Variants in MITF observed in about 807,000 individuals in gnomAD.
MITF encodes the protein microphthalmia-associated transcription factor.
MITF carries 17 observed loss-of-function variants against 60.5 expected under a neutral mutation model. The observed-to-expected ratio is 0.28, with a 90% CI of 0.19 to 0.42. MITF has a LOEUF of 0.42. MITF is among the 10% of genes least tolerant of loss of function. MITF has a pLI of 1.00. For synonymous variants in MITF, 260 were observed against 248.5 expected (o/e 1.05, Z -0.43); for missense variants, 622 against 683.5 (o/e 0.91, Z 1.00).
intron 1 of MITF, among the ~76,000 whole-genome samples, chr3:69,835,081 C>T (rs566068271): frequency 9.0e-5 from 11 of 121,842 alleles, no homozygotes; most frequent in African/African-American, 2.5e-4. Flanking sequence ...TGTGATGGTA[C>T]GATCATGGCT....
At chr3:69,870,279 C>T (rs1325110579) in intron 1 of MITF, among the ~76,000 whole-genome samples, 1 of 148,392 alleles carries the variant, frequency 6.7e-6, no homozygotes, top group Non-Finnish European at 1.5e-5. Flanking sequence ...CACACACACA[C>T]ACGTGTGTGT....
At chr3:69,816,020 T>TC (rs995767664) in intron 1 of MITF, among the ~76,000 whole-genome samples, 1 of 152,200 alleles carries the variant, frequency 6.6e-6, no homozygotes, top group African/African-American at 2.4e-5. Context: ...TCTCTCCACT[T>TC]CTGCAGGTTG....
rs1479285209 is a variant in MITF at position 69,966,773 on chromosome 3, C to A, written c.*1525C>A. On this transcript the variant is annotated 3_prime_UTR_variant, in exon 10 of 10. Transcript: ENST00000352241. ...TGAGCCAGGCTGTTGAATGGAATTT[C>A]TCAGTAGCAGCCTACAACTGAATAG... The A allele has an allele frequency of 4.3e-6, 1 of 232,806 alleles. No individual in the cohort carries two copies. The highest frequency in any genetic ancestry group is 8.5e-6 in the Non-Finnish European group (1 of 117,632). The allele number at this position is 232,806 out of a possible 1,614,324, so 14.4% of individuals were successfully genotyped here.
chr3:69,775,304 T>TGACTG (rs1206282189), intron 1 of MITF, among the ~76,000 whole-genome samples: 1 of 152,108 alleles, frequency 6.6e-6, no homozygotes, highest in African/African-American at 2.4e-5. Context: ...ACTCCATAAG[T>TGACTG]GAAAGGGTAA....
intron 1 of MITF, among the ~76,000 whole-genome samples, chr3:69,766,684 C>T (rs1431143126): frequency 6.6e-6 from 1 of 152,032 alleles, no homozygotes; most frequent in East Asian, 1.9e-4. Flanking sequence ...GGTCTGTCTC[C>T]CGCTATATAC....
chr3:69,799,582 C>T (rs1312093603), intron 1 of MITF, among the ~76,000 whole-genome samples: 2 of 152,134 alleles, frequency 1.3e-5, no homozygotes, highest in African/African-American at 4.8e-5. Flanking sequence ...GCAGTTTAGC[C>T]TTTGTTTTGT....
At position 69,877,535 on chromosome 3, in the gene MITF, T is replaced by G. The variant is rs13317133; in HGVS notation, c.105-1599T>G. Among the ~76,000 whole-genome samples the G allele has an allele frequency of 5.9e-3, 906 of 152,324 alleles. 3 individuals are homozygous for G. The highest frequency in any genetic ancestry group is 0.021 in the African/African-American group (855 of 41,578). On this transcript the variant is annotated intron_variant, in intron 1 of 9. Transcript: ENST00000352241. Reference sequence around the variant, plus strand: ...AAGTTCTTTGTATTGTGTAGTTTTATTCACATCAGTAACTATATTTTTACA... The same window carrying G: ...AAGTTCTTTGTATTGTGTAGTTTTAGTCACATCAGTAACTATATTTTTACA...
At chr3:69,942,841 G>A (rs1036015017) in intron 5 of MITF, among the ~76,000 whole-genome samples, 3 of 152,028 alleles carry the variant, frequency 2.0e-5, no homozygotes, top group Non-Finnish European at 4.4e-5. Flanking sequence ...AAAGACATGG[G>A]TATATTTACA....
intron 5 of MITF, among the ~76,000 whole-genome samples, chr3:69,944,992 G>A (rs1186521087): frequency 1.3e-5 from 2 of 152,020 alleles, no homozygotes; most frequent in Non-Finnish European, 2.9e-5. Context: ...AACTACTTAG[G>A]AAAAAATAAA....
At chr3:69,949,324 A>G (rs2066182636) in intron 6 of MITF, among the ~76,000 whole-genome samples, 156 bp downstream of exon 6, 1 of 152,172 alleles carries the variant, frequency 6.6e-6, no homozygotes. Context: ...ATATTTTAAG[A>G]CGGAGAATTT....
rs2107537716 is a variant in MITF at position 69,959,384 on chromosome 3, G to A, written c.1143G>A (p.Leu381=). 6.2e-7 allele frequency: 1 copy of A among 1,613,898 alleles called. No individual in the cohort carries two copies. Among genetic ancestry groups the A allele is most frequent in the Non-Finnish European group, 8.5e-7 (1 of 1,179,884 alleles). Residue 381 remains leucine (L), a synonymous_variant, in exon 9 of 10, where the codon CTG becomes CTA. Coordinates refer to ENST00000352241, the MANE Select transcript of MITF (RefSeq NM_001354604.2). ...AKELENRQKK[L]EHANRHLLLR... Reference sequence around the variant, plus strand: ...AACTTGAAAACCGACAGAAGAAACTGGAGCACGCCAACCGGCATTTGTTGC... The same window carrying A: ...AACTTGAAAACCGACAGAAGAAACTAGAGCACGCCAACCGGCATTTGTTGC...
chr3:69,863,341 G>A (rs1178054188), intron 1 of MITF, among the ~76,000 whole-genome samples: 5 of 152,160 alleles, frequency 3.3e-5, no homozygotes, highest in Non-Finnish European at 5.9e-5. Flanking sequence ...GCTAGTGGAC[G>A]TTTCATTGCT....
chr3:69,943,072 C>CT (rs781031439), intron 5 of MITF, among the ~76,000 whole-genome samples: 4,725 of 124,860 alleles, frequency 0.038, 120 homozygotes, highest in Non-Finnish European at 0.045. Flanking sequence ...TTAGCCTCCT[C>CT]TTTTTTTTTT....
intron 1 of MITF, among the ~76,000 whole-genome samples, chr3:69,869,520 A>T (rs1226589492): frequency 6.6e-6 from 1 of 152,220 alleles, no homozygotes; most frequent in Non-Finnish European, 1.5e-5. Context: ...GAGCTGGGAC[A>T]TGAGCCCACA....
chr3:69,847,313 T>C (rs1225787608), intron 1 of MITF, among the ~76,000 whole-genome samples: 1 of 152,122 alleles, frequency 6.6e-6, no homozygotes, highest in Non-Finnish European at 1.5e-5. Flanking sequence ...CGGAAGACAG[T>C]GTTGGAGTCA....
intron 2 of MITF, among the ~76,000 whole-genome samples, chr3:69,908,564 T>A (rs75422572): frequency 0.01 from 1,568 of 152,300 alleles, 25 homozygotes; most frequent in African/African-American, 0.036. Flanking sequence ...AGTAAGTTTT[T>A]TTTTGTTTCT....
At chr3:69,882,735 A>G (rs1229954151) in intron 2 of MITF, among the ~76,000 whole-genome samples, 1 of 152,194 alleles carries the variant, frequency 6.6e-6, no homozygotes, top group Non-Finnish European at 1.5e-5. Context: ...TAGCTAAAGC[A>G]TCACGGTACA....
intron 1 of MITF, among the ~76,000 whole-genome samples, chr3:69,784,389 T>G (rs1436563313): frequency 6.6e-6 from 1 of 152,158 alleles, no homozygotes; most frequent in Non-Finnish European, 1.5e-5. Flanking sequence ...GGCTACTTTT[T>G]GGGGTAAGAG....
intron 2 of MITF, among the ~76,000 whole-genome samples, chr3:69,900,003 T>A (rs1371876856): frequency 1.3e-5 from 2 of 152,116 alleles, no homozygotes; most frequent in South Asian, 2.1e-4. Flanking sequence ...GTCCTCAGAT[T>A]TGATGAATAG....
Sources: allele counts gnomAD v4.1 joint callset (sites outside exome capture counted in the v4.1 genomes callset), GRCh38; gene constraint gnomAD v4.1.1; transcripts MANE v1.5; gene names NCBI Gene and HGNC (gene_info 2026-07-23, HGNC 2026-07-21).